IRAG2: variants seen among roughly 807,000 people sequenced by gnomAD.
The protein encoded by IRAG2 is lymphoid restricted membrane protein.
IRAG2 carries 45 observed loss-of-function variants against 69.9 expected under a neutral mutation model. The ratio of observed to expected loss-of-function variants is 0.64; its 90% CI spans 0.51 to 0.83. The LOEUF is 0.83. IRAG2 is among the 40% of genes least tolerant of loss of function. The probability of loss-of-function intolerance (pLI) is 0.00; values close to 1 mark genes in which losing one functional copy is unlikely to be tolerated. For synonymous variants in IRAG2, 193 were observed against 202.4 expected (o/e 0.95, Z 0.40); for missense variants, 520 against 587.0 (o/e 0.89, Z 1.18).
At chr12:25,050,939 AAGAG>A (rs1438356465), upstream of IRAG2, among the ~76,000 whole-genome samples, 1 of 152,192 alleles carries the variant, frequency 6.6e-6, no homozygotes, top group East Asian at 1.9e-4. Flanking sequence ...AACTAATAGA[AAGAG>A]AGAGAATAGT....
At chr12:25,058,545 G>A (rs1196325503) in intron 1 of IRAG2, among the ~76,000 whole-genome samples, 2 of 152,166 alleles carry the variant, frequency 1.3e-5, no homozygotes, top group Admixed American at 6.5e-5. Context: ...TACAGAACAT[G>A]AGGTTTTTTC....
chr12:25,029,667 G>GTTT (rs36093595), intron 9 of IRAG2, among the ~76,000 whole-genome samples: 21 of 145,606 alleles, frequency 1.4e-4, no homozygotes, highest in African/African-American at 5.5e-4. Context: ...GTTACAATAT[G>GTTT]TTTTTTTTTT....
intron 14 of IRAG2, among the ~76,000 whole-genome samples, chr12:25,091,384 C>T (rs919174221): frequency 4.6e-5 from 7 of 152,290 alleles, no homozygotes; most frequent in South Asian, 4.1e-4. Context: ...TTTCACTTAG[C>T]ATAATGTCTT....
At chr12:25,087,490 T>A (rs1010292237) in intron 10 of IRAG2, among the ~76,000 whole-genome samples, 1 of 152,138 alleles carries the variant, frequency 6.6e-6, no homozygotes, top group African/African-American at 2.4e-5. Context: ...TTAAGAGCAC[T>A]TGTTTATCTA....
intron 14 of IRAG2, among the ~76,000 whole-genome samples, chr12:25,091,304 A>G (rs1029180818): frequency 1.3e-5 from 2 of 152,128 alleles, no homozygotes; most frequent in African/African-American, 4.8e-5. Context: ...TACTGACTCT[A>G]TGAATTTGAC....
intron 4 of IRAG2, among the ~76,000 whole-genome samples, chr12:25,065,429 C>T (rs1424463832): frequency 6.6e-6 from 1 of 152,208 alleles, no homozygotes; most frequent in Non-Finnish European, 1.5e-5. Flanking sequence ...GCTTCCTATA[C>T]TCAGAAACAC....
intron 6 of IRAG2, chr12:25,020,778 C>G (rs1944572254): frequency 8.3e-7 from 1 of 1,201,366 alleles, no homozygotes; most frequent in Non-Finnish European, 1.0e-6. Context: ...CCTTCTCCCC[C>G]CACCCCCACA....
At chr12:25,025,458 G>GCTT (rs1944613410) in intron 8 of IRAG2, among the ~76,000 whole-genome samples, 2 of 152,196 alleles carry the variant, frequency 1.3e-5, no homozygotes, top group Non-Finnish European at 2.9e-5. Flanking sequence ...GGAGGGTCCA[G>GCTT]ACACAAGGGG....
intron 6 of IRAG2, among the ~76,000 whole-genome samples, chr12:25,072,295 C>T (rs1275531034): frequency 6.6e-6 from 1 of 152,276 alleles, no homozygotes; most frequent in East Asian, 1.9e-4. Context: ...CCTGTAAGTT[C>T]CCTGAAGATT....
At chr12:25,056,326 C>A (rs993868742) in intron 1 of IRAG2, among the ~76,000 whole-genome samples, 2 of 152,108 alleles carry the variant, frequency 1.3e-5, no homozygotes, top group Admixed American at 6.5e-5. Flanking sequence ...AAGGAGAAAA[C>A]CAAAGCCAAA....
At chr12:25,065,868 C>T (rs1945947629) in intron 4 of IRAG2, among the ~76,000 whole-genome samples, 1 of 152,128 alleles carries the variant, frequency 6.6e-6, no homozygotes, top group South Asian at 2.1e-4. Flanking sequence ...TGGGGGTTTG[C>T]CATGTTGCCC....
chr12:25,015,724 G>T (rs1944522427), intron 5 of IRAG2, among the ~76,000 whole-genome samples: 1 of 152,162 alleles, frequency 6.6e-6, no homozygotes, highest in Non-Finnish European at 1.5e-5. Context: ...CTGAAGTAGG[G>T]TTATGATATT....
intron 6 of IRAG2, among the ~76,000 whole-genome samples, chr12:25,072,866 G>A (rs887572524): frequency 4.6e-5 from 7 of 152,206 alleles, no homozygotes; most frequent in Admixed American, 1.3e-4. Context: ...TCACGCAAAC[G>A]TGTTTGTGCT....
At position 25,093,079 on chromosome 12, in the gene IRAG2, T is replaced by A. The variant is rs190000648; in HGVS notation, c.606+2882T>A. ...TTCTTTACTAGTACAATAAAATTTA[T>A]TGATGTGTTTCTTACAAATTTTAGA... On this transcript the variant is annotated intron_variant, in intron 14 of 21. Transcript: ENST00000556887. The A allele has an allele frequency of 6.5e-5, 10 of 153,170 alleles. No homozygotes were observed. In the East Asian group the frequency reaches 1.9e-3, roughly 30 times the overall value. 9.5% of individuals were successfully genotyped at this position (153,170 alleles called of 1,614,324 possible).
At chr12:25,037,448 A>C (rs1193890299) in intron 15 of IRAG2, among the ~76,000 whole-genome samples, 1 of 152,042 alleles carries the variant, frequency 6.6e-6, no homozygotes, top group Non-Finnish European at 1.5e-5. Flanking sequence ...ACATGCATGC[A>C]CTACCACGCC....
chr12:25,008,152 G>T (rs1944447033), intron 2 of IRAG2, among the ~76,000 whole-genome samples: 1 of 152,126 alleles, frequency 6.6e-6, no homozygotes, highest in Admixed American at 6.6e-5. Context: ...GTTGCAAATG[G>T]TAATATTCTA....
At chr12:25,051,056 A>G (rs1045929932), upstream of IRAG2, among the ~76,000 whole-genome samples, 1 of 152,220 alleles carries the variant, frequency 6.6e-6, no homozygotes, top group East Asian at 1.9e-4. Context: ...GCTGTACAAC[A>G]TTATGCCTGT....
chr12:25,103,598 T>C (rs1032524448), intron 17 of IRAG2: 5 of 460,342 alleles, frequency 1.1e-5, no homozygotes, highest in South Asian at 1.1e-4. Flanking sequence ...CCTAAACAAA[T>C]TGTATATTTG....
chr12:25,004,024 G>A (rs1394404838), upstream of IRAG2, among the ~76,000 whole-genome samples: 1 of 152,198 alleles, frequency 6.6e-6, no homozygotes, highest in African/African-American at 2.4e-5. Flanking sequence ...AATGGAGAAA[G>A]CAGTAACGTT....
Sources: gnomAD v4.1 joint callset for allele counts (sites outside exome capture counted in the v4.1 genomes callset) on GRCh38, gnomAD v4.1.1 for gene constraint, MANE v1.5 for transcripts, NCBI Gene and HGNC (gene_info 2026-07-23, HGNC 2026-07-21) for gene names.